ELP4: variants seen among roughly 807,000 people sequenced by gnomAD.
The protein encoded by ELP4 is elongator acetyltransferase complex subunit 4.
A neutral mutation model predicts 48.9 loss-of-function variants in ELP4; 51 were observed. That is an observed-to-expected ratio of 1.04 (90% CI 0.83 to 1.32). The LOEUF is 1.32. ELP4 is among the 40% of genes most tolerant of loss of function. The pLI is 0.00. For synonymous variants in ELP4, 210 were observed against 189.2 expected (o/e 1.11, Z -0.90); for missense variants, 519 against 514.6 (o/e 1.01, Z -0.08).
chr11:31,790,090 AGGTT>A lies in ELP4; in HGVS notation c.*6567_*6570del. 4.0e-6 allele frequency: 1 copy of A among 252,806 alleles called. No individual in the cohort carries two copies. Among genetic ancestry groups the A allele is most frequent in the East Asian group, 9.9e-5 (1 of 10,152 alleles). 15.7% of individuals were successfully genotyped at this position (252,806 alleles called of 1,614,324 possible). ...AAACAGACATGGAATACAAATTTAT[AGGTT>A]TACAAAAAAAAAAAAAAAAAAAAAA... On this transcript the variant is annotated 3_prime_UTR_variant, in exon 10 of 10. Transcript: ENST00000640961.
At chr11:31,613,929 T>C (rs1219930120) in intron 5 of ELP4, among the ~76,000 whole-genome samples, 1 of 152,028 alleles carries the variant, frequency 6.6e-6, no homozygotes, top group East Asian at 1.9e-4. Flanking sequence ...CAGGCTGGTC[T>C]AGAACTCCTG....
At chr11:31,651,432 G>C (rs1371762181) in intron 9 of ELP4, 2 of 151,692 alleles carry the variant, frequency 1.3e-5, no homozygotes, top group Non-Finnish European at 2.9e-5. Flanking sequence ...CTCATCTGGG[G>C]ACACTCCCTT....
intron 3 of ELP4, among the ~76,000 whole-genome samples, chr11:31,570,638 T>C (rs1488101278): frequency 6.6e-6 from 1 of 151,392 alleles, no homozygotes; most frequent in Non-Finnish European, 1.5e-5. Flanking sequence ...CAACTAATTT[T>C]TGTGCTTGTA....
chr11:31,752,975 T>C (rs1266876375), intron 9 of ELP4, among the ~76,000 whole-genome samples: 1 of 152,142 alleles, frequency 6.6e-6, no homozygotes, highest in Non-Finnish European at 1.5e-5. Context: ...ATAACTAACC[T>C]TACTTAGCCT....
chr11:31,519,916 A>T, intron 1 of ELP4, 140 bp from the exon 2 acceptor site: 1 of 648,374 alleles, frequency 1.5e-6, no homozygotes, highest in East Asian at 2.8e-5. Flanking sequence ...TGAGCAAAGT[A>T]TTGCAAAGGT....
chr11:31,705,619 CTG>C (rs1270390117), intron 9 of ELP4, among the ~76,000 whole-genome samples: 1 of 152,104 alleles, frequency 6.6e-6, no homozygotes, highest in African/African-American at 2.4e-5. Context: ...TCCTCTGCAA[CTG>C]TAGTTATTAC....
chr11:31,597,453 A>G (rs1242588682), intron 4 of ELP4, among the ~76,000 whole-genome samples: 1 of 152,364 alleles, frequency 6.6e-6, no homozygotes, highest in African/African-American at 2.4e-5. Flanking sequence ...AAAACAGACT[A>G]GAAATATAGG....
intron 5 of ELP4, among the ~76,000 whole-genome samples, chr11:31,615,143 G>A (rs1405400965): frequency 6.6e-6 from 1 of 151,886 alleles, no homozygotes; most frequent in African/African-American, 2.4e-5. Flanking sequence ...ACTCTCAAGT[G>A]GAATGGGAAA....
chr11:31,563,935 G>C (rs978999018), intron 3 of ELP4, among the ~76,000 whole-genome samples: 1 of 152,156 alleles, frequency 6.6e-6, no homozygotes, highest in Non-Finnish European at 1.5e-5. Context: ...GATGTTATCT[G>C]TGATTGACAG....
intron 5 of ELP4, among the ~76,000 whole-genome samples, chr11:31,621,278 T>G (rs1026958177): frequency 2.0e-5 from 3 of 151,988 alleles, no homozygotes; most frequent in African/African-American, 7.2e-5. Context: ...TCATCTTCAC[T>G]TTAAATTAAT....
chr11:31,686,721 T>G (rs979948702), intron 9 of ELP4, among the ~76,000 whole-genome samples: 11 of 152,036 alleles, frequency 7.2e-5, no homozygotes, highest in Non-Finnish European at 1.5e-4. Context: ...CTACACAAAA[T>G]TAGCCAGGCA....
chr11:31,536,053 T>TC (rs1252904137), intron 2 of ELP4, among the ~76,000 whole-genome samples: 1 of 152,194 alleles, frequency 6.6e-6, no homozygotes, highest in African/African-American at 2.4e-5. Flanking sequence ...TGGTACCCAG[T>TC]CCCCTGTGGA....
intron 9 of ELP4, among the ~76,000 whole-genome samples, chr11:31,726,724 A>G (rs1171850709): frequency 6.6e-6 from 1 of 152,234 alleles, no homozygotes; most frequent in Non-Finnish European, 1.5e-5. Flanking sequence ...CAGCATTTTT[A>G]ACAATTATTT....
intron 5 of ELP4, among the ~76,000 whole-genome samples, chr11:31,608,217 A>T (rs1156288890): frequency 6.6e-6 from 1 of 152,002 alleles, no homozygotes. Context: ...CGATTACCGT[A>T]TAGTGGGTGG....
Position 31,786,688 on chromosome 11 carries a change from A to AAAAT in ELP4, c.*3164_*3165insAAAT. On this transcript the variant is annotated 3_prime_UTR_variant, in exon 10 of 10. Transcript: ENST00000640961. ...GAATCTTAGGAAACCTAGTGATGAT[A>AAAAT]GTAAGAAGAAATGGCAGTGAGCTGT... is the stretch of plus-strand genomic sequence containing the variant. 1.2e-5 allele frequency: 1 copy of AAAAT among 86,478 alleles called. No individual in the cohort carries two copies. Among genetic ancestry groups the AAAAT allele is most frequent in the Non-Finnish European group, 2.1e-5 (1 of 47,404 alleles). The allele number at this position is 86,478 out of a possible 1,614,324, so 5.4% of individuals were successfully genotyped here.
At chr11:31,745,984 C>T (rs898096296) in intron 9 of ELP4, among the ~76,000 whole-genome samples, 2 of 152,252 alleles carry the variant, frequency 1.3e-5, no homozygotes, top group South Asian at 4.1e-4. Context: ...ATTTTTGCAA[C>T]CTACTCATCT....
At chr11:31,629,583 C>T (rs7937569) in intron 6 of ELP4, among the ~76,000 whole-genome samples, 92,042 of 151,724 alleles carry the variant, frequency 0.61, 31,672 homozygotes, top group Non-Finnish European at 0.76. Context: ...CTCTGTAGTT[C>T]TCCTAATTTC....
intron 9 of ELP4, among the ~76,000 whole-genome samples, chr11:31,723,286 C>T (rs1018343281): frequency 2.6e-5 from 4 of 152,146 alleles, no homozygotes; most frequent in Admixed American, 2.0e-4. Flanking sequence ...GTATGGACTA[C>T]CCATCCTAGA....
In ELP4 at chr11:31,775,705, A is replaced by G. The variant is rs573427781; in HGVS notation, c.1144-7688A>G. 2.3e-4 allele frequency among the ~76,000 whole-genome samples: 35 copies of G among 152,128 alleles called. 1 individual carries two copies. The highest frequency in any genetic ancestry group is 8.2e-4 in the African/African-American group (34 of 41,500). ...TTAAAGGCCAGGTGCGATGGTTCACACCTGTAATCCCAGCACTTTGGGAGG... is the reference window on the plus strand; with the variant it reads ...TTAAAGGCCAGGTGCGATGGTTCACGCCTGTAATCCCAGCACTTTGGGAGG... On this transcript the variant is annotated intron_variant, in intron 9 of 9. Transcript: ENST00000640961.
Sources: gnomAD v4.1 joint callset for allele counts (sites outside exome capture counted in the v4.1 genomes callset) on GRCh38, gnomAD v4.1.1 for gene constraint, MANE v1.5 for transcripts, NCBI Gene and HGNC (gene_info 2026-07-23, HGNC 2026-07-21) for gene names.